ZC3H12D: variants seen among roughly 807,000 people sequenced by gnomAD.
The protein encoded by ZC3H12D is zinc finger CCCH-type containing 12D.
ZC3H12D carries 11 observed loss-of-function variants against 24.2 expected under a neutral mutation model. The observed-to-expected ratio is 0.46, with a 90% CI of 0.29 to 0.75. The LOEUF (loss-of-function observed/expected upper bound fraction) is 0.75, where lower values mean the gene tolerates loss of function less well. Ranked by LOEUF, ZC3H12D falls within the 30% of genes least tolerant of loss-of-function variation. The pLI, the probability that ZC3H12D is intolerant of heterozygous loss-of-function variation, is 0.11. For missense variants in ZC3H12D, 740 were observed against 767.7 expected, an observed-to-expected ratio of 0.96 and a Z score of 0.43; for synonymous variants, 333 against 341.8, an observed-to-expected ratio of 0.97 and a Z score of 0.28.
chr6:149,474,330 G>T lies in ZC3H12D; in HGVS notation c.214C>A (p.Arg72Ser), dbSNP rs781053693. 5.6e-6 allele frequency: 9 copies of T among 1,599,464 alleles called. No individual in the cohort carries two copies. The highest frequency in any genetic ancestry group is 1.7e-4 in the Middle Eastern group (1 of 5,980). The change falls in exon 2 of 6, where the codon CGT (arginine) becomes AGT (serine). Residue 72 changes from arginine (R) to serine (S), a missense_variant. Transcript: ENST00000409806. ...GSCGVPDSAQ[R>S]GPGTALEEDF... ...TCTTCCAGGGCTGTCCCCGGGCCAC[G>T]CTGGGCAGAGTCCGGGACCCCACAG...
intron 1 of ZC3H12D, among the ~76,000 whole-genome samples, chr6:149,479,139 T>C (rs1776386066): frequency 2.6e-5 from 4 of 152,160 alleles, no homozygotes; most frequent in Admixed American, 2.6e-4. Context: ...GTGGGAAGAC[T>C]GCCTGAGCCC....
At chr6:149,463,160 T>A (rs1015850303) in intron 2 of ZC3H12D, among the ~76,000 whole-genome samples, 1 of 152,180 alleles carries the variant, frequency 6.6e-6, no homozygotes, top group Non-Finnish European at 1.5e-5. Flanking sequence ...GGAGTAGCCA[T>A]CTACAGAATC....
Position 149,456,392 on chromosome 6 carries a change from G to A in ZC3H12D, c.680+274C>T, listed in dbSNP as rs1775979902. On this transcript the variant is annotated intron_variant, in intron 4 of 5. Coordinates refer to ENST00000409806, the MANE Select transcript of ZC3H12D (RefSeq NM_207360.3). This position sits in a 1 kb window ranked among gnomAD's most constrained non-coding sequence, Gnocchi z 4.3. ...TGCAATTCTGTTTTTTTAAGTTAGT[G>A]GTGCCCTAAACACATGCTTGCATGC... Among the ~76,000 whole-genome samples, 1 of 152,082 alleles carries A rather than the reference G, an allele frequency of 6.6e-6. No individual in the cohort carries two copies. Among genetic ancestry groups the A allele is most frequent in the Non-Finnish European group, 1.5e-5 (1 of 68,018 alleles).
intron 2 of ZC3H12D, among the ~76,000 whole-genome samples, chr6:149,469,271 C>T (rs571671119): frequency 1.3e-5 from 2 of 152,250 alleles, no homozygotes; most frequent in South Asian, 2.1e-4. Context: ...TCCTGGCTAA[C>T]ACGGTGAAAC....
At chr6:149,470,768 AT>A (rs952928175) in intron 2 of ZC3H12D, among the ~76,000 whole-genome samples, 1 of 152,204 alleles carries the variant, frequency 6.6e-6, no homozygotes, top group African/African-American at 2.4e-5. Context: ...GGCTATTCAC[AT>A]TTAAGTTAAA....
intron 1 of ZC3H12D, among the ~76,000 whole-genome samples, chr6:149,481,759 G>A (rs1434544702): frequency 2.0e-5 from 3 of 152,192 alleles, no homozygotes; most frequent in Non-Finnish European, 4.4e-5. Flanking sequence ...CCGAGGGTGA[G>A]GAAACTGAGG....
chr6:149,478,218 T>C (rs981745839), intron 1 of ZC3H12D, among the ~76,000 whole-genome samples: 2 of 152,020 alleles, frequency 1.3e-5, no homozygotes, highest in East Asian at 3.8e-4. Context: ...ATGTAATTTC[T>C]GTACTTTACT....
intron 2 of ZC3H12D, among the ~76,000 whole-genome samples, chr6:149,472,270 G>A (rs967283742): frequency 2.6e-5 from 4 of 152,154 alleles, no homozygotes; most frequent in Non-Finnish European, 5.9e-5. Flanking sequence ...ATCAGGTGGC[G>A]GTTGTGCTAT....
At position 149,451,446 on chromosome 6, in the gene ZC3H12D, A is replaced by G. The variant is rs1008205351; in HGVS notation, c.821T>C (p.Phe274Ser). ...GTGGTGCGGCCTCTCCGGGTGGTAGAACTTGCACTTGATGCCATAGGTGCA... is the reference window on the plus strand; with the variant it reads ...GTGGTGCGGCCTCTCCGGGTGGTAGGACTTGCACTTGATGCCATAGGTGCA... Reference protein sequence around the residue: ...KKCTYGIKCKFYHPERPHHAQ... With the variant: ...KKCTYGIKCKSYHPERPHHAQ... The change falls in exon 6 of 6, where the codon TTC becomes TCC. Residue 274 changes from phenylalanine to serine, a missense_variant. Coordinates refer to ENST00000409806, the MANE Select transcript of ZC3H12D (RefSeq NM_207360.3). 103 of 1,575,180 alleles carry G rather than the reference A, an allele frequency of 6.5e-5. No individual in the cohort carries two copies. The highest frequency in any genetic ancestry group is 8.2e-5 in the Non-Finnish European group (96 of 1,170,400).
intron 1 of ZC3H12D, among the ~76,000 whole-genome samples, chr6:149,474,842 C>A (rs904389917): frequency 1.2e-4 from 19 of 152,226 alleles, no homozygotes; most frequent in African/African-American, 4.6e-4. Flanking sequence ...CGGCAGGGCA[C>A]ACACCCGACC....
At chr6:149,481,309 G>T (rs916994530) in intron 1 of ZC3H12D, among the ~76,000 whole-genome samples, 5 of 151,508 alleles carry the variant, frequency 3.3e-5, no homozygotes, top group African/African-American at 1.2e-4. Context: ...AGAACTAAGA[G>T]AGAGAAAGGA....
chr6:149,452,778 C>T lies in ZC3H12D; in HGVS notation c.681-56G>A, dbSNP rs545495605. 1.6e-5 allele frequency: 23 copies of T among 1,483,028 alleles called. No individual in the cohort carries two copies. In the African/African-American group the frequency reaches 3.2e-4, roughly 21 times the overall value. The allele number at this position is 1,483,028 out of a possible 1,614,324, so 91.9% of individuals were successfully genotyped here. A position where few individuals can be genotyped will look rare whatever the true frequency, so the allele number is the denominator to read the frequency against. The stretch of plus-strand genomic sequence containing the variant: ...ACCACCTGGGATTTGCCACCAGCAC[C>T]TGTACAAAGGGAGCAGGCCCAAGTT... On this transcript the variant is annotated intron_variant, in intron 4 of 5. Coordinates refer to ENST00000409806, the MANE Select transcript of ZC3H12D (RefSeq NM_207360.3). This position sits in a 1 kb window ranked among gnomAD's most constrained non-coding sequence, Gnocchi z 4.0.
chr6:149,474,601 C>T lies in ZC3H12D; in HGVS notation c.-58G>A. On this transcript the variant is annotated 5_prime_UTR_variant, in exon 2 of 6. Transcript: ENST00000409806. Reference sequence around the variant, plus strand: ...CCCCAGGCTTCCTCCTCTCAGAGCCCTGCAGACATGAGCTAAAGAGAAAAA... The same window carrying T: ...CCCCAGGCTTCCTCCTCTCAGAGCCTTGCAGACATGAGCTAAAGAGAAAAA... 3 of 1,382,734 alleles carry T rather than the reference C, an allele frequency of 2.2e-6. No homozygotes were observed. The allele number at this position is 1,382,734 out of a possible 1,614,324, so 85.7% of individuals were successfully genotyped here.
At chr6:149,472,175 TGCAGAAGGG>T (rs1246667919) in intron 2 of ZC3H12D, among the ~76,000 whole-genome samples, 1 of 152,218 alleles carries the variant, frequency 6.6e-6, no homozygotes, top group Non-Finnish European at 1.5e-5. Flanking sequence ...CAGATGTCAC[TGCAGAAGGG>T]GCAGAGGATG....
At chr6:149,468,565 G>A (rs766498631) in intron 2 of ZC3H12D, among the ~76,000 whole-genome samples, 1 of 152,180 alleles carries the variant, frequency 6.6e-6, no homozygotes, top group Non-Finnish European at 1.5e-5. Flanking sequence ...AGATGTGAAG[G>A]GAAGCTGCTC....
At chr6:149,459,687 A>G in intron 3 of ZC3H12D, 1 of 717,980 alleles carries the variant, frequency 1.4e-6, no homozygotes, top group Non-Finnish European at 2.6e-6. Flanking sequence ...CCCTATAAAG[A>G]AAGTGAAGCT....
At chr6:149,458,124 G>GTT (rs1562472740) in intron 3 of ZC3H12D, among the ~76,000 whole-genome samples, 47 of 37,526 alleles carry the variant, frequency 1.3e-3, no homozygotes, top group African/African-American at 3.6e-3. Flanking sequence ...TTTTTTTTTC[G>GTT]TTTCTTTTTT....
At chr6:149,475,421 A>G (rs1280616082) in intron 1 of ZC3H12D, among the ~76,000 whole-genome samples, 1 of 152,250 alleles carries the variant, frequency 6.6e-6, no homozygotes, top group African/African-American at 2.4e-5. Context: ...CCTCTGCAAT[A>G]GAAGGGCCTG....
intron 1 of ZC3H12D, among the ~76,000 whole-genome samples, chr6:149,476,231 G>A (rs1776337283): frequency 6.6e-6 from 1 of 152,240 alleles, no homozygotes; most frequent in African/African-American, 2.4e-5. Flanking sequence ...TGGGGGCCGG[G>A]CGCAGTGGCT....
Sources: gnomAD v4.1 joint callset for allele counts (sites outside exome capture counted in the v4.1 genomes callset) on GRCh38, gnomAD v4.1.1 for gene constraint, Gnocchi (gnomAD v3.1) non-coding constraint, MANE v1.5 for transcripts, NCBI Gene and HGNC (gene_info 2026-07-23, HGNC 2026-07-21) for gene names.